The following ECE2 variants were observed in gnomAD, a reference collection of about 807,000 sequenced individuals.
The protein encoded by ECE2 is endothelin converting enzyme 2.
A neutral mutation model predicts 100.6 loss-of-function variants in ECE2; 81 were observed. The observed-to-expected ratio is 0.81, with a 90% confidence interval of 0.67 to 0.97. The LOEUF (loss-of-function observed/expected upper bound fraction) is 0.97, where lower values mean the gene tolerates loss of function less well. Ranked by LOEUF, ECE2 falls within the 50% of genes least tolerant of loss-of-function variation. The pLI, the probability that ECE2 is intolerant of heterozygous loss-of-function variation, is 0.00. For missense variants in ECE2, 911 were observed against 988.1 expected (o/e 0.92, Z 1.05); for synonymous variants, 391 against 391.5 (o/e 1.00, Z 0.02).
At chr3:184,288,607 G>T (rs843354) in intron 11 of ECE2, among the ~76,000 whole-genome samples, 13,581 of 152,116 alleles carry the variant, frequency 0.089, 720 homozygotes, top group East Asian at 0.2. Context: ...AATAAATTGT[G>T]GTTAGGATGG....
chr3:184,292,749 C>T lies in ECE2; in HGVS notation c.*511C>T, dbSNP rs1226743663. On this transcript the variant is annotated 3_prime_UTR_variant, in exon 19 of 19. Coordinates refer to ENST00000404464, the MANE Select transcript of ECE2 (RefSeq NM_001100121.2). ...CACTGCTCCCAGTGCTGCTGCTGACCTTCACTGACAGCTCCTAGTGGAAGC... is the reference window on the plus strand; with the variant it reads ...CACTGCTCCCAGTGCTGCTGCTGACTTTCACTGACAGCTCCTAGTGGAAGC... 6.3e-6 allele frequency: 1 copy of T among 158,642 alleles called. No individual in the cohort carries two copies. Among genetic ancestry groups the T allele is most frequent in the African/African-American group, 2.4e-5 (1 of 41,646 alleles). 9.8% of individuals were successfully genotyped at this position (158,642 alleles called of 1,614,324 possible).
Position 184,291,798 on chromosome 3 carries a change from A to T in ECE2, c.2122-264A>T, listed in dbSNP as rs35637422. On this transcript the variant is annotated intron_variant, in intron 18 of 18. Coordinates refer to ENST00000404464, the MANE Select transcript of ECE2 (RefSeq NM_001100121.2). The surrounding 1 kb of genome is among the most constrained non-coding windows in gnomAD (Gnocchi z 4.1). Reference sequence around the variant, plus strand: ...GCTCGGGACGCAGAGTGGCCTGTCCAGGGCTGCCCAGGAATAGAGTAAGTG... The same window carrying T: ...GCTCGGGACGCAGAGTGGCCTGTCCTGGGCTGCCCAGGAATAGAGTAAGTG... 1 of 543,680 alleles carries T rather than the reference A, an allele frequency of 1.8e-6. No homozygotes were observed. 33.7% of individuals were successfully genotyped at this position (543,680 alleles called of 1,614,324 possible). A position where few individuals can be genotyped will look rare whatever the true frequency, so the allele number is the denominator to read the frequency against.
In ECE2 at chr3:184,291,814, A is replaced by G. The variant is rs768124921; in HGVS notation, c.2122-248A>G. Reference sequence around the variant, plus strand: ...GGCCTGTCCAGGGCTGCCCAGGAATAGAGTAAGTGGCAGAGCAAGGACCCA... The same window carrying G: ...GGCCTGTCCAGGGCTGCCCAGGAATGGAGTAAGTGGCAGAGCAAGGACCCA... On this transcript the variant is annotated intron_variant, in intron 18 of 18. Transcript: ENST00000404464. The surrounding 1 kb of genome is among the most constrained non-coding windows in gnomAD (Gnocchi z 4.1). The G allele has an allele frequency of 1.5e-4, 81 of 552,342 alleles. No homozygotes were observed. Among genetic ancestry groups the G allele is most frequent in the Non-Finnish European group, 1.8e-4 (55 of 312,276 alleles). The allele number at this position is 552,342 out of a possible 1,614,324, so 34.2% of individuals were successfully genotyped here.
Position 184,289,836 on chromosome 3 carries a change from C to G in ECE2, c.1551+118C>G. 1 of 857,948 alleles carries G rather than the reference C, an allele frequency of 1.2e-6. No individual in the cohort carries two copies. The highest frequency in any genetic ancestry group is 2.6e-5 in the East Asian group (1 of 39,184). 53.1% of individuals were successfully genotyped at this position (857,948 alleles called of 1,614,324 possible). On this transcript the variant is annotated intron_variant, in intron 13 of 18. Coordinates refer to ENST00000404464, the MANE Select transcript of ECE2 (RefSeq NM_001100121.2). The surrounding 1 kb of genome is among the most constrained non-coding windows in gnomAD (Gnocchi z 4.1). The stretch of plus-strand genomic sequence containing the variant: ...GGTGCTTGTCGGTTTCTTTTAGAGG[C>G]AGATGGAGGTAACCAGCATTGTTAA...
At chr3:184,280,290 T>G (rs1381701764) in intron 7 of ECE2, among the ~76,000 whole-genome samples, 1 of 152,190 alleles carries the variant, frequency 6.6e-6, no homozygotes, top group East Asian at 1.9e-4. Context: ...GATTAATCTC[T>G]CTGAGGCTGT....
rs543392751 is a variant in ECE2, at chr3:184,290,456, C to G, written c.1655+98C>G. 8.4e-6 allele frequency: 13 copies of G among 1,555,814 alleles called. No homozygotes were observed. In the African/African-American group the frequency reaches 1.5e-4, roughly 18 times the overall value. On this transcript the variant is annotated intron_variant, in intron 14 of 18. Coordinates refer to ENST00000404464, the MANE Select transcript of ECE2 (RefSeq NM_001100121.2). Reference sequence around the variant, plus strand: ...AAAGGGTGGCAAGACTGGTCCCAGACCGGCGGCCCCATACCCTTGCAGGAG... The same window carrying G: ...AAAGGGTGGCAAGACTGGTCCCAGAGCGGCGGCCCCATACCCTTGCAGGAG...
At position 184,278,718 on chromosome 3, in the gene ECE2, C is replaced by T; in HGVS notation, c.816+161C>T. On this transcript the variant is annotated intron_variant, in intron 7 of 18. Transcript: ENST00000404464. The stretch of plus-strand genomic sequence containing the variant: ...TTTCTTTCTTCTTTTCTTCCTCCCT[C>T]CCTCCCTTTCTTCCCCTTTTCCTTC... The T allele has an allele frequency of 6.0e-6, 4 of 669,502 alleles. No homozygotes were observed. In the South Asian group the frequency reaches 7.8e-5, roughly 13 times the overall value. The allele number at this position is 669,502 out of a possible 1,614,324, so 41.5% of individuals were successfully genotyped here.
intron 4 of ECE2, among the ~76,000 whole-genome samples, chr3:184,277,685 ACT>A (rs1720627308): frequency 6.6e-6 from 1 of 152,012 alleles, no homozygotes; most frequent in Non-Finnish European, 1.5e-5. Context: ...GCTTCTCTGC[ACT>A]CTGTTTGGAG....
At chr3:184,281,824 T>G (rs1227312584) in intron 7 of ECE2, among the ~76,000 whole-genome samples, 1 of 152,158 alleles carries the variant, frequency 6.6e-6, no homozygotes, top group African/African-American at 2.4e-5. Context: ...GTAGGCTGGG[T>G]GCAGTGGCTC....
intron 6 of ECE2, 46 bp downstream of exon 6, chr3:184,278,359 T>A (rs1168059656): frequency 6.2e-7 from 1 of 1,603,088 alleles, no homozygotes; most frequent in Non-Finnish European, 8.5e-7. Context: ...GACACTTTGC[T>A]GAGCCCAGAC....
intron 10 of ECE2, among the ~76,000 whole-genome samples, chr3:184,286,875 G>A (rs1446959967): frequency 6.6e-6 from 1 of 152,056 alleles, no homozygotes; most frequent in East Asian, 1.9e-4. Context: ...GGAGGCTGAG[G>A]TGGGTGGAGT....
Position 184,277,292 on chromosome 3 carries a change from G to A in ECE2, c.304G>A (p.Val102Met). The A allele has an allele frequency of 6.2e-7, 1 of 1,614,228 alleles. No individual in the cohort carries two copies. The highest frequency in any genetic ancestry group is 8.5e-7 in the Non-Finnish European group (1 of 1,180,024). ...STCLTEACIR[V>M]AGKILESLDR... The stretch of plus-strand genomic sequence containing the variant: ...CTGCCTTACAGAGGCCTGCATTCGA[G>A]TGGCTGGAAAAATCCTGGAGTCCCT... The change falls in exon 4 of 19, where the codon GTG (valine) becomes ATG (methionine). Residue 102 changes from valine to methionine, a missense_variant. Transcript: ENST00000404464.
intron 7 of ECE2, among the ~76,000 whole-genome samples, chr3:184,283,294 C>T (rs964019737): frequency 6.6e-6 from 1 of 152,050 alleles, no homozygotes; most frequent in Non-Finnish European, 1.5e-5. Flanking sequence ...GGTGCAGTGG[C>T]TCATGCCTGT....
Position 184,284,970 on chromosome 3 carries a change from C to G in ECE2, c.1013C>G (p.Ala338Gly), listed in dbSNP as rs757104117. The change falls in exon 9 of 19, where the codon GCG becomes GGG. Residue 338 changes from alanine to glycine, a missense_variant. Ala to Gly is a moderately conservative substitution (Grantham distance 60). Transcript: ENST00000404464. ...GAGATTTTTTTCTTTCAGGCTCTGG[C>G]GCCCTCCATGGACTGGCTTGAGTTC... is the stretch of plus-strand genomic sequence containing the variant. ...KMSISELQALAPSMDWLEFLS... is the reference protein window; with the variant it reads ...KMSISELQALGPSMDWLEFLS... The G allele has an allele frequency of 1.2e-6, 2 of 1,613,374 alleles. No individual in the cohort carries two copies. The highest frequency in any genetic ancestry group is 1.3e-5 in the African/African-American group (1 of 75,018).
At chr3:184,287,750 A>C in intron 10 of ECE2, 87 bp from the exon 11 acceptor site, 1 of 1,183,690 alleles carries the variant, frequency 8.4e-7, no homozygotes, top group South Asian at 1.3e-5. Context: ...AGAGCTGAGA[A>C]GGGCTGCTAG....
At position 184,277,417 on chromosome 3, in the gene ECE2, C is replaced by T. The variant is rs756899048; in HGVS notation, c.429C>T (p.Thr143=). Residue 143 remains threonine (T), a synonymous_variant, in exon 4 of 19, where the codon ACC becomes ACT. Coordinates refer to ENST00000404464, the MANE Select transcript of ECE2 (RefSeq NM_001100121.2). ...CCGATGGGCGTTCTCGCTGGAACAC[C>T]TTCAACAGCCTCTGGGACCAAAACC... ...PLPDGRSRWN[T]FNSLWDQNQA... is the part of the protein sequence containing the mutation. 1 of 1,614,246 alleles carries T rather than the reference C, an allele frequency of 6.2e-7. No homozygotes were observed. Among genetic ancestry groups the T allele is most frequent in the Non-Finnish European group, 8.5e-7 (1 of 1,180,044 alleles).
chr3:184,283,210 A>G (rs893290881), intron 7 of ECE2, among the ~76,000 whole-genome samples: 1 of 152,204 alleles, frequency 6.6e-6, no homozygotes, highest in Admixed American at 6.5e-5. Flanking sequence ...ACTTGGAACA[A>G]TGCTCTGCTG....
At chr3:184,284,916 G>A (rs540640125) in intron 8 of ECE2, 47 bp from the exon 9 acceptor site, 2 of 1,597,196 alleles carry the variant, frequency 1.3e-6, no homozygotes, top group Non-Finnish European at 1.7e-6. Context: ...GGAGGGTTCT[G>A]CTGGAAGCGA....
At chr3:184,276,457 T>C (rs1449425238) in intron 1 of ECE2, 24 bp from the exon 2 acceptor site, 6 of 1,596,904 alleles carry the variant, frequency 3.8e-6, no homozygotes, top group African/African-American at 1.3e-5. Context: ...CTGACCTCGG[T>C]TGGCAACCCC....
Sources: allele counts gnomAD v4.1 joint callset (sites outside exome capture counted in the v4.1 genomes callset), GRCh38; gene constraint gnomAD v4.1.1; non-coding constraint Gnocchi (gnomAD v3.1); transcripts MANE v1.5; gene names NCBI Gene and HGNC (gene_info 2026-07-23, HGNC 2026-07-21).